PLXNA4: variants seen among roughly 807,000 people sequenced by gnomAD.
The protein encoded by PLXNA4 is plexin-A4.
A neutral mutation model predicts 191.8 loss-of-function variants in PLXNA4; 44 were observed. The ratio of observed to expected loss-of-function variants is 0.23; its 90% CI spans 0.18 to 0.29. PLXNA4 has a LOEUF of 0.29. Ranked by LOEUF, PLXNA4 falls within the 10% of genes least tolerant of loss-of-function variation. PLXNA4 has a pLI of 1.00. For missense variants in PLXNA4, 1,800 were observed against 2,488.8 expected, an observed-to-expected ratio of 0.72 and a Z score of 5.89; for synonymous variants, 1,082 against 1,009.5, an observed-to-expected ratio of 1.07 and a Z score of -1.36.
chr7:132,170,574 C>T (rs1358774258), intron 21 of PLXNA4, among the ~76,000 whole-genome samples: 1 of 152,250 alleles, frequency 6.6e-6, no homozygotes, highest in Non-Finnish European at 1.5e-5. Flanking sequence ...TCATGATCCT[C>T]ATTACCAATA....
intron 3 of PLXNA4, among the ~76,000 whole-genome samples, chr7:132,445,047 C>T (rs1320735329): frequency 1.3e-5 from 2 of 149,986 alleles, no homozygotes; most frequent in Non-Finnish European, 3.0e-5. Flanking sequence ...CCCAGCTACT[C>T]GGGAGGCTGA....
intron 2 of PLXNA4, among the ~76,000 whole-genome samples, chr7:132,505,036 C>T (rs536069369): frequency 7.2e-5 from 11 of 152,376 alleles, no homozygotes; most frequent in African/African-American, 2.6e-4. Flanking sequence ...TAAACACCAG[C>T]CTGGCCTTTT....
chr7:132,223,153 T>C (rs1798201200), intron 9 of PLXNA4, among the ~76,000 whole-genome samples: 1 of 152,190 alleles, frequency 6.6e-6, no homozygotes. Context: ...CTGTGAACAG[T>C]GCCCTGAGGA....
chr7:132,130,894 G>A (rs988370140), intron 31 of PLXNA4, among the ~76,000 whole-genome samples: 10 of 152,190 alleles, frequency 6.6e-5, no homozygotes, highest in South Asian at 2.1e-4. Context: ...TGCCTGTGCC[G>A]AGATGCTGCA....
At chr7:132,371,882 T>C (rs1416252711) in intron 3 of PLXNA4, among the ~76,000 whole-genome samples, 2 of 152,066 alleles carry the variant, frequency 1.3e-5, no homozygotes, top group African/African-American at 4.8e-5. Flanking sequence ...CACTGAGAAA[T>C]AACTCTGGGG....
At chr7:132,243,510 A>G (rs1286615546) in intron 4 of PLXNA4, among the ~76,000 whole-genome samples, 1 of 152,206 alleles carries the variant, frequency 6.6e-6, no homozygotes, top group African/African-American at 2.4e-5. Flanking sequence ...TTCTTAAAAT[A>G]TTTTGAAACT....
chr7:132,453,939 C>G (rs1268023240), intron 3 of PLXNA4, among the ~76,000 whole-genome samples: 2 of 152,192 alleles, frequency 1.3e-5, no homozygotes, highest in Non-Finnish European at 2.9e-5. Flanking sequence ...TTTGACCCAC[C>G]GTCAGCAGAA....
chr7:132,599,444 G>T (rs1802776526), intron 2 of PLXNA4, among the ~76,000 whole-genome samples: 1 of 152,046 alleles, frequency 6.6e-6, no homozygotes, highest in South Asian at 2.1e-4. Flanking sequence ...AAGGACCTCA[G>T]GTGTTCTTAA....
intron 3 of PLXNA4, among the ~76,000 whole-genome samples, chr7:132,485,624 G>T (rs552764496): frequency 1.3e-5 from 2 of 152,290 alleles, no homozygotes; most frequent in Admixed American, 6.5e-5. Flanking sequence ...AGTCAAGATG[G>T]CATTTGCCTT....
intron 22 of PLXNA4, among the ~76,000 whole-genome samples, chr7:132,165,456 TG>T (rs1165622510): frequency 1.3e-5 from 2 of 152,216 alleles, no homozygotes; most frequent in Non-Finnish European, 2.9e-5. Context: ...GGATTTTGGC[TG>T]GAACGCCTTA....
chr7:132,418,447 C>A lies in PLXNA4; in HGVS notation c.1371+70845G>T, dbSNP rs544038624. 7.2e-5 allele frequency among the ~76,000 whole-genome samples: 11 copies of A among 152,314 alleles called. No individual in the cohort carries two copies. In the South Asian group the frequency reaches 2.3e-3, roughly 32 times the overall value. On this transcript the variant is annotated intron_variant, in intron 3 of 31. Coordinates refer to ENST00000321063, the MANE Select transcript of PLXNA4 (RefSeq NM_020911.2). ...CTTTCCAGATCAAGATGGATCCAGC[C>A]CAGCTTAGCTCTCAAGTCCTAGAAT...
At chr7:132,345,582 T>G (rs1377746985) in intron 3 of PLXNA4, among the ~76,000 whole-genome samples, 1 of 152,200 alleles carries the variant, frequency 6.6e-6, no homozygotes, top group Non-Finnish European at 1.5e-5. Flanking sequence ...GTCATTCGGT[T>G]GCTCTGGGAA....
intron 1 of PLXNA4, among the ~76,000 whole-genome samples, chr7:132,516,946 G>C (rs1435284476): frequency 6.6e-6 from 1 of 152,154 alleles, no homozygotes; most frequent in Non-Finnish European, 1.5e-5. Flanking sequence ...GACAGAGCAA[G>C]ACTCTACCTC....
In PLXNA4 at chr7:132,236,390, G is replaced by A. The variant is rs115438335; in HGVS notation, c.1604+4676C>T. ...CTCCCTCCAACCATGGGGAAAGTTG[G>A]CAAAAGTGACTGAGAAAATGGACTT... On this transcript the variant is annotated intron_variant, in intron 5 of 31. Transcript: ENST00000321063. Among the ~76,000 whole-genome samples, 569 of 152,234 alleles carry A rather than the reference G, an allele frequency of 3.7e-3. 5 individuals are homozygous for A. Among genetic ancestry groups the A allele is most frequent in the African/African-American group, 0.013 (544 of 41,528 alleles).
chr7:132,577,094 G>T, upstream of PLXNA4: 1 of 146,720 alleles, frequency 6.8e-6, no homozygotes, highest in South Asian at 1.8e-4. Context: ...CTGCTCCCCG[G>T]GGAGGCGCGG....
intron 2 of PLXNA4, among the ~76,000 whole-genome samples, chr7:132,597,863 A>C (rs865805634): frequency 1.7e-4 from 25 of 143,700 alleles, no homozygotes; most frequent in African/African-American, 6.3e-4. Flanking sequence ...CTCTCTCTAT[A>C]TATATATATA....
chr7:132,362,151 A>T (rs6972176), intron 3 of PLXNA4, among the ~76,000 whole-genome samples: 5 of 151,498 alleles, frequency 3.3e-5, no homozygotes, highest in African/African-American at 1.2e-4. Flanking sequence ...CATTTAGAGG[A>T]CTTTATACAT....
At chr7:132,546,446 A>G (rs1371876220) in intron 1 of PLXNA4, among the ~76,000 whole-genome samples, 1 of 152,186 alleles carries the variant, frequency 6.6e-6, no homozygotes, top group Non-Finnish European at 1.5e-5. Context: ...GTCCAGAGAA[A>G]GTAGAACTCT....
At chr7:132,457,020 C>G (rs1738624697) in intron 3 of PLXNA4, among the ~76,000 whole-genome samples, 2 of 152,208 alleles carry the variant, frequency 1.3e-5, no homozygotes, top group Admixed American at 1.3e-4. Context: ...GGAGCTTTTT[C>G]TCTGGTACCT....
Sources: gnomAD v4.1 joint callset for allele counts (sites outside exome capture counted in the v4.1 genomes callset) on GRCh38, gnomAD v4.1.1 for gene constraint, MANE v1.5 for transcripts, NCBI Gene and HGNC (gene_info 2026-07-23, HGNC 2026-07-21) for gene names.